The following NUP210 variants were observed in gnomAD, a reference collection of about 807,000 sequenced individuals.
NUP210 encodes the protein nucleoporin 210, also known as nuclear pore membrane glycoprotein 210.
In NUP210, 151 loss-of-function variants were observed where a neutral mutation model predicts 196.0. That is an observed-to-expected ratio of 0.77 (90% CI 0.67 to 0.88). The LOEUF (loss-of-function observed/expected upper bound fraction) is 0.88, where lower values mean the gene tolerates loss of function less well. NUP210 is among the 40% of genes least tolerant of loss of function. The pLI, the probability that NUP210 is intolerant of heterozygous loss-of-function variation, is 0.00. For synonymous variants in NUP210, 1,070 were observed against 1,052.7 expected (o/e 1.02, Z -0.32); for missense variants, 2,314 against 2,493.7 (o/e 0.93, Z 1.53).
chr3:13,419,745 C>T (rs929590394), intron 1 of NUP210, among the ~76,000 whole-genome samples: 1 of 152,056 alleles, frequency 6.6e-6, no homozygotes, highest in Non-Finnish European at 1.5e-5. Context: ...GCCCGGCCGG[C>T]TTGGGCCCTG....
At chr3:13,378,414 C>T (rs1698992585) in intron 8 of NUP210, among the ~76,000 whole-genome samples, 1 of 152,228 alleles carries the variant, frequency 6.6e-6, no homozygotes, top group East Asian at 1.9e-4. Flanking sequence ...TTTTCACTTC[C>T]ACACCATTGC....
intron 35 of NUP210, 37 bp downstream of exon 35, chr3:13,322,156 C>T (rs781078082): frequency 6.2e-7 from 1 of 1,612,282 alleles, no homozygotes. Context: ...CAGAGACTGT[C>T]TCCAAGTCCC....
Position 13,348,414 on chromosome 3 carries a change from G to A in NUP210, c.2835+3465C>T. The A allele has an allele frequency of 1.2e-5, 12 of 985,380 alleles. No individual in the cohort carries two copies. Among genetic ancestry groups the A allele is most frequent in the Non-Finnish European group, 1.4e-5 (12 of 829,936 alleles). The allele number at this position is 985,380 out of a possible 1,614,324, so 61.0% of individuals were successfully genotyped here. A position where few individuals can be genotyped will look rare whatever the true frequency, so the allele number is the denominator to read the frequency against. ...GCTTGCACAGAATGACAGGTGCAAGGTAAATGTGAATGAGAGTGTGCCTCG... is the reference window on the plus strand; with the variant it reads ...GCTTGCACAGAATGACAGGTGCAAGATAAATGTGAATGAGAGTGTGCCTCG... On this transcript the variant is annotated intron_variant, in intron 20 of 39. Transcript: ENST00000254508. The surrounding 1 kb of genome is among the most constrained non-coding windows in gnomAD (Gnocchi z 4.0).
rs769681366 is a variant in NUP210, at chr3:13,343,281, G to A, written c.2858C>T (p.Ser953Leu). ...CAAGTCATGGATCATGATGGTGGATGAGCCCGGGAGCAAAGGGTGCACCTG... is the reference window on the plus strand; with the variant it reads ...CAAGTCATGGATCATGATGGTGGATAAGCCCGGGAGCAAAGGGTGCACCTG... ...VAMVHPLLPG[S>L]STIMIHDLCL... Residue 953 changes from serine to leucine, a missense_variant, in exon 21 of 40, where the codon TCA (serine) becomes TTA (leucine). By Grantham distance (145) the Ser-to-Leu change is moderately radical (BLOSUM62 -2). Coordinates refer to ENST00000254508, the MANE Select transcript of NUP210 (RefSeq NM_024923.4). The A allele has an allele frequency of 4.4e-6, 7 of 1,606,318 alleles. No individual in the cohort carries two copies. In the African/African-American group the frequency reaches 5.4e-5, roughly 12 times the overall value.
Position 13,340,234 on chromosome 3 carries a change from AC to A in NUP210, c.3291+1del. On this transcript the variant is annotated splice_donor_variant, in intron 24 of 39. Transcript: ENST00000254508. LOFTEE classifies it high-confidence loss of function. This position sits in a 1 kb window ranked among gnomAD's most constrained non-coding sequence, Gnocchi z 4.0. ...AGCAGGACGTGGCCTCTTGGCTCTCACCTGCATCGTGGCCCCGATAAGCAGT... is the reference window on the plus strand; with the variant it reads ...AGCAGGACGTGGCCTCTTGGCTCTCACTGCATCGTGGCCCCGATAAGCAGT... 4 of 1,613,416 alleles carry A rather than the reference AC, an allele frequency of 2.5e-6. No homozygotes were observed. The highest frequency in any genetic ancestry group is 3.4e-6 in the Non-Finnish European group (4 of 1,179,992).
intron 4 of NUP210, among the ~76,000 whole-genome samples, chr3:13,389,421 G>A (rs771548589): frequency 7.2e-5 from 11 of 152,172 alleles, no homozygotes; most frequent in Non-Finnish European, 1.0e-4. Context: ...AGGCAGGCAC[G>A]GGATTCCCTC....
chr3:13,417,653 C>T (rs538127913), intron 1 of NUP210, among the ~76,000 whole-genome samples: 4 of 152,302 alleles, frequency 2.6e-5, no homozygotes, highest in African/African-American at 9.6e-5. Flanking sequence ...ATTCTCAATG[C>T]TTGATTGACA....
At chr3:13,369,203 T>C (rs1698642989) in intron 13 of NUP210, among the ~76,000 whole-genome samples, 2 of 152,232 alleles carry the variant, frequency 1.3e-5, no homozygotes, top group Non-Finnish European at 2.9e-5. Context: ...CATCTTCCCG[T>C]GTGCTTATTG....
At chr3:13,378,597 A>G (rs1465921184) in intron 8 of NUP210, among the ~76,000 whole-genome samples, 1 of 152,102 alleles carries the variant, frequency 6.6e-6, no homozygotes, top group Non-Finnish European at 1.5e-5. Context: ...CCAACCTCTA[A>G]ATGTCCATAG....
At position 13,319,825 on chromosome 3, in the gene NUP210, T is replaced by C. The variant is rs751780180; in HGVS notation, c.5321A>G (p.Asn1774Ser). The C allele has an allele frequency of 6.2e-7, 1 of 1,614,178 alleles. No individual in the cohort carries two copies. Among genetic ancestry groups the C allele is most frequent in the Non-Finnish European group, 8.5e-7 (1 of 1,180,020 alleles). Residue 1774 changes from asparagine to serine, a missense_variant, in exon 37 of 40, where the codon AAC (asparagine) becomes AGC (serine). Transcript: ENST00000254508. ...TTLTFSSPVT[N>S]QAIAIPVTVA... Reference sequence around the variant, plus strand: ...TGTCACTGGGATGGCAATGGCTTGGTTGGTCACGGGGCTGGAGAAGGTCAG... The same window carrying C: ...TGTCACTGGGATGGCAATGGCTTGGCTGGTCACGGGGCTGGAGAAGGTCAG...
chr3:13,368,736 C>T (rs1354947528), intron 13 of NUP210, among the ~76,000 whole-genome samples: 2 of 152,204 alleles, frequency 1.3e-5, no homozygotes, highest in Non-Finnish European at 2.9e-5. Context: ...CAAGGTTCTT[C>T]CATGTTGCAG....
Position 13,360,326 on chromosome 3 carries a change from A to G in NUP210, c.2098T>C (p.Ser700Pro), listed in dbSNP as rs1698327856. Residue 700 changes from serine to proline, a missense_variant, in exon 15 of 40, where the codon TCC becomes CCC. Physicochemically the swap from Ser to Pro is moderately conservative, Grantham distance 74. Transcript: ENST00000254508. ...ATCCAGTGTTGCTGATAATTCCGGGAGGAATGGGGGGCAAAGAGAGCCAGG... is the reference window on the plus strand; with the variant it reads ...ATCCAGTGTTGCTGATAATTCCGGGGGGAATGGGGGGCAAAGAGAGCCAGG... The part of the protein sequence containing the change: ...IGLALFAPHS[S>P]RNYQQHWILV... 2 of 1,614,020 alleles carry G rather than the reference A, an allele frequency of 1.2e-6. No individual in the cohort carries two copies.
At chr3:13,412,088 C>CT (rs1418134142) in intron 1 of NUP210, among the ~76,000 whole-genome samples, 1 of 150,566 alleles carries the variant, frequency 6.6e-6, no homozygotes, top group Non-Finnish European at 1.5e-5. Context: ...GGCTCTCACT[C>CT]TGTTGCCCAG....
intron 28 of NUP210, among the ~76,000 whole-genome samples, chr3:13,332,671 A>T (rs1471854338): frequency 6.6e-6 from 1 of 152,190 alleles, no homozygotes; most frequent in Non-Finnish European, 1.5e-5. Flanking sequence ...AGTCCCAGCT[A>T]CTTGGGAGGC....
At chr3:13,380,472 G>A (rs188512077) in intron 6 of NUP210, among the ~76,000 whole-genome samples, 4 of 152,316 alleles carry the variant, frequency 2.6e-5, no homozygotes, top group Non-Finnish European at 5.9e-5. Flanking sequence ...GGGGATAGGG[G>A]ACTGAGGATA....
chr3:13,343,339 T>TGGGGGGGTGGGG, intron 20 of NUP210, 36 bp from the exon 21 acceptor site: 2 of 282,520 alleles, frequency 7.1e-6, no homozygotes, highest in Non-Finnish European at 6.1e-6. Context: ...GGGTGGGTGG[T>TGGGGGGGTGGGG]GGGTTACGCA....
At chr3:13,400,457 G>A (rs775514388) in intron 1 of NUP210, among the ~76,000 whole-genome samples, 2 of 152,210 alleles carry the variant, frequency 1.3e-5, no homozygotes, top group Non-Finnish European at 2.9e-5. Flanking sequence ...GAGCCCAGAC[G>A]TCTGTGAGCC....
chr3:13,369,789 T>C (rs1289646443), intron 13 of NUP210, among the ~76,000 whole-genome samples: 2 of 152,206 alleles, frequency 1.3e-5, no homozygotes, highest in African/African-American at 2.4e-5. Flanking sequence ...CAGCACCGTG[T>C]TGAGAGAGTT....
intron 6 of NUP210, among the ~76,000 whole-genome samples, chr3:13,384,469 C>T (rs575743823): frequency 8.5e-5 from 13 of 152,304 alleles, no homozygotes; most frequent in African/African-American, 1.7e-4. Context: ...TATCCAGGTA[C>T]ACAACTGTAG....
Sources: allele counts gnomAD v4.1 joint callset (sites outside exome capture counted in the v4.1 genomes callset), GRCh38; gene constraint gnomAD v4.1.1; non-coding constraint Gnocchi (gnomAD v3.1); transcripts MANE v1.5; gene names NCBI Gene and HGNC (gene_info 2026-07-23, HGNC 2026-07-21).